Variants in TAF4 observed in about 807,000 individuals in gnomAD.
The protein encoded by TAF4 is transcription initiation factor TFIID subunit 4.
In TAF4, 9 loss-of-function variants were observed where a neutral mutation model predicts 90.3. The ratio of observed to expected loss-of-function variants is 0.10; its 90% CI spans 0.06 to 0.17. The LOEUF (loss-of-function observed/expected upper bound fraction) is 0.17, where lower values mean the gene tolerates loss of function less well. Among genes scored for constraint, TAF4 ranks in the 10% least tolerant of loss-of-function variants. The probability of loss-of-function intolerance (pLI) is 1.00; values close to 1 mark genes in which losing one functional copy is unlikely to be tolerated. For missense variants in TAF4, 1,351 were observed against 1,370.7 expected, an observed-to-expected ratio of 0.99 and a Z score of 0.23; for synonymous variants, 818 against 638.9, an observed-to-expected ratio of 1.28 and a Z score of -4.23.
At chr20:62,008,999 G>A in intron 5 of TAF4, 53 bp downstream of exon 5, 1 of 1,592,056 alleles carries the variant, frequency 6.3e-7, no homozygotes, top group Non-Finnish European at 8.5e-7. Flanking sequence ...ACAGGTGTCT[G>A]TCCTATGCAA....
chr20:62,064,658 T>A lies in TAF4; in HGVS notation c.1153A>T (p.Ser385Cys). Residue 385 changes from serine (S) to cysteine (C), a missense_variant, in exon 1 of 15, where the codon AGC becomes TGC. Ser to Cys is a moderately radical substitution (Grantham distance 112). Coordinates refer to ENST00000252996, the MANE Select transcript of TAF4 (RefSeq NM_003185.4). ...GCGGGCGGCGGGACGGCGGCCGGGC[T>A]GGGCAGCGCCCCTTGCATAGTTGGC... ...IGPTMQGALP[S>C]PAAVPPPAPG... The A allele has an allele frequency of 7.7e-7, 1 of 1,301,348 alleles. No homozygotes were observed. The highest frequency in any genetic ancestry group is 2.1e-5 in the South Asian group (1 of 48,072). 80.6% of individuals were successfully genotyped at this position (1,301,348 alleles called of 1,614,324 possible). A position where few individuals can be genotyped will look rare whatever the true frequency, so the allele number is the denominator to read the frequency against.
chr20:62,017,766 G>A (rs1184541828), intron 1 of TAF4, among the ~76,000 whole-genome samples: 2 of 151,904 alleles, frequency 1.3e-5, no homozygotes, highest in African/African-American at 4.8e-5. Context: ...CCTGGGAGGC[G>A]GAGGTTGCAG....
At chr20:61,978,072 CAAGG>C (rs752673576) in intron 14 of TAF4, among the ~76,000 whole-genome samples, 12 of 132,656 alleles carry the variant, frequency 9.0e-5, no homozygotes, top group Admixed American at 2.3e-4. Context: ...CGACACCAAC[CAAGG>C]GAGGGCGCGA....
chr20:62,051,635 T>C (rs1327421599), intron 1 of TAF4, among the ~76,000 whole-genome samples: 1 of 142,810 alleles, frequency 7.0e-6, no homozygotes, highest in Non-Finnish European at 1.6e-5. Context: ...CCACCCTCCC[T>C]CCCCATCCGC....
chr20:62,013,033 C>A, intron 2 of TAF4, 99 bp from the exon 3 acceptor site: 2 of 1,502,418 alleles, frequency 1.3e-6, no homozygotes, highest in South Asian at 1.3e-5. Flanking sequence ...ACTAGTATAT[C>A]CAAGTGGGTC....
chr20:62,029,250 T>C (rs1209096533), intron 1 of TAF4, among the ~76,000 whole-genome samples: 2 of 151,778 alleles, frequency 1.3e-5, no homozygotes, highest in Non-Finnish European at 2.9e-5. Context: ...TGTACATAGC[T>C]GTTTGTTGTA....
chr20:61,988,814 C>T (rs1483869512), intron 14 of TAF4, among the ~76,000 whole-genome samples: 4 of 152,156 alleles, frequency 2.6e-5, no homozygotes, highest in African/African-American at 9.7e-5. Flanking sequence ...CGATACTCCA[C>T]GTACCTCCCA....
intron 14 of TAF4, among the ~76,000 whole-genome samples, chr20:61,981,985 C>G (rs202097142): frequency 1.1e-3 from 137 of 121,248 alleles, no homozygotes; most frequent in East Asian, 0.01. Flanking sequence ...CACACCCACC[C>G]GAGAGGAGAC....
chr20:62,060,084 C>T (rs912615192), intron 1 of TAF4, among the ~76,000 whole-genome samples: 2 of 152,246 alleles, frequency 1.3e-5, no homozygotes, highest in Non-Finnish European at 2.9e-5. Context: ...GACGCCGCCT[C>T]CCGGCCTCCC....
intron 14 of TAF4, among the ~76,000 whole-genome samples, chr20:61,981,708 A>G (rs1055707437): frequency 6.6e-6 from 1 of 152,042 alleles, no homozygotes; most frequent in Non-Finnish European, 1.5e-5. Context: ...AGAGTGGGAC[A>G]TTCACACCAT....
chr20:61,997,489 G>A, intron 14 of TAF4, 61 bp downstream of exon 14: 1 of 1,441,282 alleles, frequency 6.9e-7, no homozygotes, highest in Non-Finnish European at 9.2e-7. Context: ...CCTAGAAGAG[G>A]GTGGCTCTAA....
intron 7 of TAF4, among the ~76,000 whole-genome samples, chr20:62,004,333 T>C (rs1416857242): frequency 1.4e-5 from 2 of 144,686 alleles, no homozygotes; most frequent in East Asian, 2.0e-4. Context: ...CTTTTCTTTT[T>C]TTTTTTTTTT....
At chr20:62,049,676 C>T (rs1157540117) in intron 1 of TAF4, among the ~76,000 whole-genome samples, 9 of 152,166 alleles carry the variant, frequency 5.9e-5, no homozygotes, top group Middle Eastern at 3.4e-3. Context: ...TGCACCCCAG[C>T]CCAACTCCCA....
At chr20:62,000,438 A>T in intron 10 of TAF4, 114 bp downstream of exon 10, 1 of 1,429,598 alleles carries the variant, frequency 7.0e-7, no homozygotes, top group Non-Finnish European at 9.5e-7. Context: ...ACCATGTGGA[A>T]ATCACAAACT....
chr20:62,023,305 T>C (rs1453412547), intron 1 of TAF4, among the ~76,000 whole-genome samples: 4 of 150,686 alleles, frequency 2.7e-5, no homozygotes, highest in African/African-American at 9.8e-5. Context: ...TAGTTGGGCA[T>C]GGTGGTGCAC....
At chr20:62,029,811 C>A (rs1444445577) in intron 1 of TAF4, among the ~76,000 whole-genome samples, 1 of 152,130 alleles carries the variant, frequency 6.6e-6, no homozygotes, top group Non-Finnish European at 1.5e-5. Flanking sequence ...GAGGCTGAGG[C>A]AAGAGAATCG....
chr20:62,033,246 A>G (rs1315251921), intron 1 of TAF4, among the ~76,000 whole-genome samples: 2 of 152,182 alleles, frequency 1.3e-5, no homozygotes, highest in African/African-American at 2.4e-5. Context: ...CAACAAGGGG[A>G]GCCACCTGCC....
rs568086718 is a variant in TAF4 at position 62,005,823 on chromosome 20, G to C, written c.2223+687C>G. ...CAACACATACCAGCTCATGATGAGG[G>C]AGCCCGCACCATTTTGTTGTTTAAG... On this transcript the variant is annotated intron_variant, in intron 7 of 14. Coordinates refer to ENST00000252996, the MANE Select transcript of TAF4 (RefSeq NM_003185.4). 5.3e-5 allele frequency: 8 copies of C among 152,342 alleles called. No homozygotes were observed. In the East Asian group the frequency reaches 1.3e-3, roughly 26 times the overall value. The allele number at this position is 152,342 out of a possible 1,614,324, so 9.4% of individuals were successfully genotyped here.
intron 1 of TAF4, among the ~76,000 whole-genome samples, chr20:62,034,884 A>T (rs1057381613): frequency 6.8e-6 from 1 of 148,010 alleles, no homozygotes; most frequent in Non-Finnish European, 1.5e-5. Flanking sequence ...ACAGTGGCGC[A>T]ATCTCGGCTC....
Sources: gnomAD v4.1 joint callset for allele counts (sites outside exome capture counted in the v4.1 genomes callset) on GRCh38, gnomAD v4.1.1 for gene constraint, MANE v1.5 for transcripts, NCBI Gene and HGNC (gene_info 2026-07-23, HGNC 2026-07-21) for gene names.